The following NIM1K variants were observed in gnomAD, a reference collection of about 807,000 sequenced individuals.
NIM1K encodes NIM1 serine/threonine protein kinase.
NIM1K carries 35 observed loss-of-function variants against 37.1 expected under a neutral mutation model. That is an observed-to-expected ratio of 0.94 (90% CI 0.72 to 1.25). The LOEUF (loss-of-function observed/expected upper bound fraction) is 1.25. NIM1K is among the 50% of genes most tolerant of loss of function. NIM1K has a pLI of 0.00. For missense variants in NIM1K, 564 were observed against 548.0 expected, an observed-to-expected ratio of 1.03 and a Z score of -0.29; for synonymous variants, 234 against 206.6, an observed-to-expected ratio of 1.13 and a Z score of -1.14.
chr5:43,193,814 T>C (rs925640522), intron 1 of NIM1K, among the ~76,000 whole-genome samples: 6 of 152,180 alleles, frequency 3.9e-5, no homozygotes, highest in Non-Finnish European at 7.3e-5. Flanking sequence ...GTTGTCATGG[T>C]TACTGAAGAA....
At position 43,274,347 on chromosome 5, in the gene NIM1K, G is replaced by A. The variant is rs139841425; in HGVS notation, c.293-2710G>A. ...ATAGAATGGTGTATGATGGCCACAG[G>A]GAGGATGGGGCAGCAGAGTGATGAT... On this transcript the variant is annotated intron_variant, in intron 2 of 3. Transcript: ENST00000326035. 4.9e-3 allele frequency among the ~76,000 whole-genome samples: 741 copies of A among 152,308 alleles called. 6 individuals carry two copies. Among genetic ancestry groups the A allele is most frequent in the African/African-American group, 0.017 (713 of 41,572 alleles).
chr5:43,245,678 C>T lies in NIM1K; in HGVS notation c.-98C>T. 3 of 1,186,248 alleles carry T rather than the reference C, an allele frequency of 2.5e-6. No homozygotes were observed. The highest frequency in any genetic ancestry group is 3.5e-6 in the Non-Finnish European group (3 of 848,136). The allele number at this position is 1,186,248 out of a possible 1,614,324, so 73.5% of individuals were successfully genotyped here. ...GGAAAACTCTTTTGAACCCTGGGCACCTGCTGTCCTCAGTTGGCATCTCCC... is the reference window on the plus strand; with the variant it reads ...GGAAAACTCTTTTGAACCCTGGGCATCTGCTGTCCTCAGTTGGCATCTCCC... On this transcript the variant is annotated 5_prime_UTR_variant, in exon 2 of 4. Transcript: ENST00000326035.
chr5:43,204,423 C>T lies in NIM1K; in HGVS notation c.-695+12012C>T, dbSNP rs538135924. On this transcript the variant is annotated intron_variant, in intron 1 of 3. Transcript: ENST00000326035. ...GTTAATTCAAAAACAAGGCACAGTC[C>T]AGGAGTGGTGGCTCACGCCTATAAT... is the stretch of plus-strand genomic sequence containing the variant. 5.9e-5 allele frequency among the ~76,000 whole-genome samples: 9 copies of T among 151,424 alleles called. No homozygotes were observed. The South Asian group carries it at 1.9e-3, about 32-fold the overall frequency.
At position 43,238,112 on chromosome 5, in the gene NIM1K, G is replaced by A. The variant is rs191505201; in HGVS notation, c.-694-6970G>A. Among the ~76,000 whole-genome samples the A allele has an allele frequency of 5.4e-3, 783 of 145,676 alleles. 3 individuals are homozygous for A. Among genetic ancestry groups the A allele is most frequent in the African/African-American group, 0.019 (752 of 38,904 alleles). ...GGCTGGAGTGCAGTGGCACGATCTT[G>A]GCTCACTGCAAACTCTGCCTCACGG... On this transcript the variant is annotated intron_variant, in intron 1 of 3. Coordinates refer to ENST00000326035, the MANE Select transcript of NIM1K (RefSeq NM_153361.4).
intron 2 of NIM1K, among the ~76,000 whole-genome samples, chr5:43,259,165 C>T (rs1254126638): frequency 6.6e-6 from 1 of 152,176 alleles, no homozygotes; most frequent in East Asian, 1.9e-4. Context: ...GGTTGGTTGA[C>T]ACTTAGGTTG....
chr5:43,193,929 GA>G (rs1751871027), intron 1 of NIM1K, among the ~76,000 whole-genome samples: 1 of 152,188 alleles, frequency 6.6e-6, no homozygotes, highest in African/African-American at 2.4e-5. Context: ...TTGAGTTTAT[GA>G]AAATGTACTT....
chr5:43,270,967 T>C (rs1753247295), intron 2 of NIM1K, among the ~76,000 whole-genome samples: 3 of 152,176 alleles, frequency 2.0e-5, no homozygotes, highest in African/African-American at 4.8e-5. Context: ...CCTTTCCTCA[T>C]TGGATTAAGC....
At chr5:43,271,594 C>T (rs1221903076) in intron 2 of NIM1K, among the ~76,000 whole-genome samples, 1 of 152,174 alleles carries the variant, frequency 6.6e-6, no homozygotes, top group Non-Finnish European at 1.5e-5. Context: ...CAGTTTCACA[C>T]AAACTTGCAT....
chr5:43,227,292 A>G (rs1752471400), intron 1 of NIM1K, among the ~76,000 whole-genome samples: 1 of 152,116 alleles, frequency 6.6e-6, no homozygotes, highest in African/African-American at 2.4e-5. Context: ...CCTGGGAGGC[A>G]GAGGTTGCGG....
At chr5:43,253,434 CAGG>C (rs1752898777) in intron 2 of NIM1K, among the ~76,000 whole-genome samples, 1 of 151,552 alleles carries the variant, frequency 6.6e-6, no homozygotes, top group Admixed American at 6.6e-5. Flanking sequence ...AGCAATTTCA[CAGG>C]AGAAGGAGGA....
intron 1 of NIM1K, among the ~76,000 whole-genome samples, chr5:43,237,593 T>G (rs561338151): frequency 2.1e-4 from 32 of 152,224 alleles, no homozygotes; most frequent in Non-Finnish European, 4.3e-4. Context: ...AGCTTGATGT[T>G]TTGGACTCTA....
intron 1 of NIM1K, chr5:43,232,711 A>G (rs1368884442): frequency 2.8e-6 from 4 of 1,408,908 alleles, no homozygotes; most frequent in African/African-American, 1.4e-5. Context: ...GAGTTGTTCC[A>G]TGAGCGGGGA....
In NIM1K at chr5:43,280,275, G is replaced by T. The variant is rs768792612; in HGVS notation, c.857G>T (p.Gly286Val). 1 of 1,614,164 alleles carries T rather than the reference G, an allele frequency of 6.2e-7. No individual in the cohort carries two copies. Among genetic ancestry groups the T allele is most frequent in the Non-Finnish European group, 8.5e-7 (1 of 1,180,024 alleles). ...AAACTAAAAAAGAGCATCCTCGAGGGCACATACAGTGTACCGCCGCACGTG... is the reference window on the plus strand; with the variant it reads ...AAACTAAAAAAGAGCATCCTCGAGGTCACATACAGTGTACCGCCGCACGTG... The part of the protein sequence containing the change: ...VAKLKKSILE[G>V]TYSVPPHVSE... The change falls in exon 4 of 4, where the codon GGC (glycine) becomes GTC (valine). Residue 286 changes from glycine (G) to valine (V), a missense_variant. Transcript: ENST00000326035.
At chr5:43,224,683 G>A (rs1377833295) in intron 1 of NIM1K, among the ~76,000 whole-genome samples, 2 of 142,384 alleles carry the variant, frequency 1.4e-5, no homozygotes, top group Admixed American at 7.8e-5. Context: ...CTGATTAACA[G>A]CAATAACAAG....
intron 1 of NIM1K, among the ~76,000 whole-genome samples, chr5:43,193,888 T>C (rs1751870501): frequency 6.6e-6 from 1 of 152,234 alleles, no homozygotes; most frequent in Admixed American, 6.5e-5. Context: ...GAGGACCTTC[T>C]CTTGTACCCT....
chr5:43,233,831 A>C (rs1561081680), intron 1 of NIM1K, among the ~76,000 whole-genome samples: 1 of 152,224 alleles, frequency 6.6e-6, no homozygotes, highest in Non-Finnish European at 1.5e-5. Flanking sequence ...GCAGATGAAG[A>C]ATACATTTTG....
chr5:43,246,075 C>A lies in NIM1K; in HGVS notation c.292+8C>A. The A allele has an allele frequency of 6.2e-7, 1 of 1,601,662 alleles. No individual in the cohort carries two copies. Among genetic ancestry groups the A allele is most frequent in the Non-Finnish European group, 8.5e-7 (1 of 1,173,164 alleles). On this transcript the variant is annotated splice_region_variant and intron_variant, in intron 2 of 3. Coordinates refer to ENST00000326035, the MANE Select transcript of NIM1K (RefSeq NM_153361.4). ...TTCACTCCCTAACCAAAGGTAGGAT[C>A]CGACTTCCCAAGGGTCATCCCTGGC...
At chr5:43,263,513 A>G (rs1283470329) in intron 2 of NIM1K, among the ~76,000 whole-genome samples, 1 of 148,960 alleles carries the variant, frequency 6.7e-6, no homozygotes, top group Non-Finnish European at 1.5e-5. Context: ...CTTCTTTATT[A>G]GTCTTGCTAG....
chr5:43,197,436 C>T (rs1362754930), intron 1 of NIM1K, among the ~76,000 whole-genome samples: 8 of 152,068 alleles, frequency 5.3e-5, no homozygotes, highest in South Asian at 2.1e-4. Context: ...TGAGCCACCA[C>T]GCCTGGCCAA....
Sources: allele counts gnomAD v4.1 joint callset (sites outside exome capture counted in the v4.1 genomes callset), GRCh38; gene constraint gnomAD v4.1.1; transcripts MANE v1.5; gene names NCBI Gene and HGNC (gene_info 2026-07-23, HGNC 2026-07-21).